CALCR: variants seen among roughly 807,000 people sequenced by gnomAD.
CALCR encodes calcitonin receptor.
In CALCR, 47 loss-of-function variants were observed where a neutral mutation model predicts 59.5. The observed-to-expected ratio is 0.79, with a 90% CI of 0.63 to 1.01. The LOEUF (loss-of-function observed/expected upper bound fraction) is 1.01. Among genes scored for constraint, CALCR ranks in the 50% least tolerant of loss-of-function variants. The pLI, the probability that CALCR is intolerant of heterozygous loss-of-function variation, is 0.00. For synonymous variants in CALCR, 213 were observed against 211.3 expected (o/e 1.01, Z -0.07); for missense variants, 566 against 597.1 (o/e 0.95, Z 0.54).
chr7:93,461,531 C>A (rs1800336909), intron 7 of CALCR, among the ~76,000 whole-genome samples: 1 of 152,096 alleles, frequency 6.6e-6, no homozygotes, highest in African/African-American at 2.4e-5. Context: ...TCTTTTCCAA[C>A]CCTCCTGATG....
chr7:93,437,437 A>T (rs991174846), intron 11 of CALCR, among the ~76,000 whole-genome samples: 1 of 152,172 alleles, frequency 6.6e-6, no homozygotes, highest in Non-Finnish European at 1.5e-5. Flanking sequence ...CTGAAAGATT[A>T]TTTAATCTAA....
intron 2 of CALCR, among the ~76,000 whole-genome samples, chr7:93,562,945 C>T (rs1353428902): frequency 6.6e-6 from 1 of 151,972 alleles, no homozygotes; most frequent in Non-Finnish European, 1.5e-5. Context: ...AATTTAAAAA[C>T]GGTAAATAAA....
At chr7:93,556,258 C>A (rs879282301) in intron 2 of CALCR, among the ~76,000 whole-genome samples, 5 of 152,120 alleles carry the variant, frequency 3.3e-5, no homozygotes, top group Admixed American at 6.6e-5. Context: ...CAAAGCCTGA[C>A]CCTAAAGGGC....
chr7:93,518,314 A>T (rs1414729639), intron 2 of CALCR, among the ~76,000 whole-genome samples: 3 of 151,820 alleles, frequency 2.0e-5, no homozygotes, highest in Admixed American at 1.3e-4. Context: ...TCCTATGAAA[A>T]CAAATAACAA....
At chr7:93,533,176 C>T (rs1013763355) in intron 2 of CALCR, among the ~76,000 whole-genome samples, 5 of 151,776 alleles carry the variant, frequency 3.3e-5, no homozygotes, top group Non-Finnish European at 2.9e-5. Flanking sequence ...ATAATGGTTT[C>T]GTTATACATC....
At chr7:93,526,881 A>G (rs1295191846) in intron 2 of CALCR, among the ~76,000 whole-genome samples, 1 of 152,046 alleles carries the variant, frequency 6.6e-6, no homozygotes, top group Non-Finnish European at 1.5e-5. Flanking sequence ...TAAAAATAAA[A>G]TTCTAGCTTT....
At chr7:93,540,079 C>A (rs1047372990) in intron 2 of CALCR, among the ~76,000 whole-genome samples, 3 of 152,138 alleles carry the variant, frequency 2.0e-5, no homozygotes, top group African/African-American at 7.2e-5. Context: ...CTGTTCGCTG[C>A]CCTAGGATTC....
intron 11 of CALCR, 147 bp from the exon 12 acceptor site, chr7:93,436,317 C>T: frequency 1.5e-6 from 1 of 655,804 alleles, no homozygotes; most frequent in East Asian, 2.7e-5. Flanking sequence ...GCACAATTGG[C>T]TCAGCATTTC....
intron 2 of CALCR, among the ~76,000 whole-genome samples, chr7:93,566,139 A>G (rs1448771036): frequency 6.6e-5 from 10 of 152,314 alleles, no homozygotes; most frequent in African/African-American, 2.4e-4. Flanking sequence ...ACACCAAACT[A>G]AAATCCATTT....
At chr7:93,430,634 T>G (rs929763792) in intron 13 of CALCR, among the ~76,000 whole-genome samples, 1 of 152,208 alleles carries the variant, frequency 6.6e-6, no homozygotes, top group Non-Finnish European at 1.5e-5. Flanking sequence ...TAAGTCAAGG[T>G]CATCCACTGC....
chr7:93,512,419 T>C (rs1385442009), intron 2 of CALCR, among the ~76,000 whole-genome samples: 1 of 152,188 alleles, frequency 6.6e-6, no homozygotes, highest in African/African-American at 2.4e-5. Flanking sequence ...GCTCATGTTT[T>C]AATTCTCCCA....
intron 8 of CALCR, among the ~76,000 whole-genome samples, chr7:93,456,603 G>C (rs1232986238): frequency 6.6e-6 from 1 of 152,084 alleles, no homozygotes; most frequent in Non-Finnish European, 1.5e-5. Context: ...CAGCCTGAGG[G>C]CTAAAAGTTA....
intron 2 of CALCR, among the ~76,000 whole-genome samples, chr7:93,519,701 A>C (rs1043271656): frequency 5.3e-5 from 8 of 152,022 alleles, no homozygotes; most frequent in Non-Finnish European, 1.2e-4. Flanking sequence ...TCCCCAGGTT[A>C]AGGGAGAGAC....
chr7:93,562,114 ATT>A (rs1789764341), intron 2 of CALCR, among the ~76,000 whole-genome samples: 1 of 77,776 alleles, frequency 1.3e-5, no homozygotes. Context: ...TTAGTTTTAA[ATT>A]TAACTTAACA....
intron 2 of CALCR, among the ~76,000 whole-genome samples, chr7:93,570,755 T>C (rs1789984129): frequency 6.6e-6 from 1 of 152,200 alleles, no homozygotes; most frequent in South Asian, 2.1e-4. Flanking sequence ...CAATGAGGTA[T>C]ATGTTGCCTT....
In CALCR at chr7:93,438,052, A is replaced by G. The variant is rs1029976078; in HGVS notation, c.930+8T>C. 6 of 1,612,030 alleles carry G rather than the reference A, an allele frequency of 3.7e-6. No homozygotes were observed. The highest frequency in any genetic ancestry group is 4.2e-6 in the Non-Finnish European group (5 of 1,178,494). On this transcript the variant is annotated splice_region_variant and intron_variant, in intron 11 of 13. Transcript: ENST00000426151. Reference sequence around the variant, plus strand: ...CTACTAATATTGCAATAAAAAACTAATTCTCACCACAAGTGCCGCCATGAC... The same window carrying G: ...CTACTAATATTGCAATAAAAAACTAGTTCTCACCACAAGTGCCGCCATGAC...
chr7:93,563,831 A>G (rs1482009332), intron 2 of CALCR, among the ~76,000 whole-genome samples: 2 of 152,166 alleles, frequency 1.3e-5, no homozygotes, highest in Non-Finnish European at 2.9e-5. Context: ...CGAATCCATC[A>G]TATTAGCTGT....
In CALCR at chr7:93,490,340, G is replaced by T. The variant is rs569983798; in HGVS notation, c.-26-3333C>A. Among the ~76,000 whole-genome samples, 28 of 151,822 alleles carry T rather than the reference G, an allele frequency of 1.8e-4. No individual in the cohort carries two copies. The East Asian group carries it at 4.7e-3, about 25-fold the overall frequency. On this transcript the variant is annotated intron_variant, in intron 2 of 13. Transcript: ENST00000426151. ...TTGAAAGCATTCCCTTTGAAAACCAGCATAGACAAGAATACCCTCTCTCAC... is the reference window on the plus strand; with the variant it reads ...TTGAAAGCATTCCCTTTGAAAACCATCATAGACAAGAATACCCTCTCTCAC...
intron 2 of CALCR, among the ~76,000 whole-genome samples, chr7:93,504,708 T>C (rs1801390584): frequency 6.6e-6 from 1 of 152,116 alleles, no homozygotes; most frequent in South Asian, 2.1e-4. Context: ...CAACAAAGAA[T>C]TTAAGTTTCC....
Sources: gnomAD v4.1 joint callset for allele counts (sites outside exome capture counted in the v4.1 genomes callset) on GRCh38, gnomAD v4.1.1 for gene constraint, MANE v1.5 for transcripts, NCBI Gene and HGNC (gene_info 2026-07-23, HGNC 2026-07-21) for gene names.